Variants in UBXN4 observed in about 807,000 individuals in gnomAD.
The protein encoded by UBXN4 is UBX domain protein 4, also known as UBX domain-containing protein 4.
UBXN4 carries 35 observed loss-of-function variants against 66.2 expected under a neutral mutation model. That is an observed-to-expected ratio of 0.53 (90% CI 0.40 to 0.70). The LOEUF is 0.70. UBXN4 is among the 30% of genes least tolerant of loss of function. UBXN4 has a pLI of 0.00. For missense variants in UBXN4, 533 were observed against 599.8 expected (o/e 0.89, Z 1.16); for synonymous variants, 203 against 204.5 (o/e 0.99, Z 0.06).
rs1327825093 is a variant in UBXN4, at chr2:135,776,336, G to A, written c.1038G>A (p.Arg346=). The A allele has an allele frequency of 1.2e-6, 2 of 1,613,438 alleles. No individual in the cohort carries two copies. The highest frequency in any genetic ancestry group is 2.7e-5 in the African/African-American group (2 of 75,032). The change falls in exon 10 of 13, where the codon AGG becomes AGA. Residue 346 remains arginine, a synonymous_variant. Transcript: ENST00000272638. ...CTGATGCTCCTCTAGAAGAGGCAAG[G>A]CAGTTTGCTGCACAGGTAAATTTAT... ...FPSDAPLEEA[R]QFAAQTVGNT...
intron 2 of UBXN4, among the ~76,000 whole-genome samples, chr2:135,752,331 GCCA>G (rs1450807773): frequency 6.6e-6 from 1 of 152,022 alleles, no homozygotes; most frequent in African/African-American, 2.4e-5. Context: ...ACAGGCGTGA[GCCA>G]CCACGCCAGG....
intron 1 of UBXN4, among the ~76,000 whole-genome samples, chr2:135,745,990 G>T (rs1363016612): frequency 6.8e-6 from 1 of 147,316 alleles, no homozygotes; most frequent in Non-Finnish European, 1.5e-5. Flanking sequence ...CGATTCTCCT[G>T]CCTCAGCCTC....
chr2:135,777,978 C>T (rs1252529006), intron 10 of UBXN4, among the ~76,000 whole-genome samples: 6 of 150,700 alleles, frequency 4.0e-5, no homozygotes, highest in African/African-American at 1.5e-4. Context: ...GAGATTGAGA[C>T]CATCCTGGCT....
intron 8 of UBXN4, 77 bp downstream of exon 8, chr2:135,770,812 A>G: frequency 7.8e-7 from 1 of 1,282,226 alleles, no homozygotes; most frequent in Non-Finnish European, 1.0e-6. Flanking sequence ...CAGACTGTGC[A>G]CACAAAAATA....
chr2:135,749,902 C>T (rs939554568), intron 2 of UBXN4, among the ~76,000 whole-genome samples: 2 of 152,166 alleles, frequency 1.3e-5, no homozygotes, highest in African/African-American at 4.8e-5. Flanking sequence ...TTGTTCTATA[C>T]ATTTGTTCTG....
At position 135,748,881 on chromosome 2, in the gene UBXN4, C is replaced by G. The variant is rs373425030; in HGVS notation, c.185+512C>G. 1.5e-4 allele frequency among the ~76,000 whole-genome samples: 22 copies of G among 151,092 alleles called. 1 individual carries two copies. The highest frequency in any genetic ancestry group is 1.0e-3 in the South Asian group (5 of 4,792). ...CTTGTCTCTACTAAAAAAAAAAATA[C>G]AAAAATTAGCCGGGTGTGGTGGCAC... On this transcript the variant is annotated intron_variant, in intron 2 of 12. Coordinates refer to ENST00000272638, the MANE Select transcript of UBXN4 (RefSeq NM_014607.4).
At chr2:135,771,245 G>A (rs1174759506) in intron 8 of UBXN4, among the ~76,000 whole-genome samples, 1 of 152,172 alleles carries the variant, frequency 6.6e-6, no homozygotes, top group African/African-American at 2.4e-5. Flanking sequence ...GGGAGGCTAA[G>A]GAGGGCGGAT....
chr2:135,747,699 A>G (rs761654959), intron 1 of UBXN4: 28 of 456,052 alleles, frequency 6.1e-5, no homozygotes, highest in Admixed American at 1.2e-4. Flanking sequence ...CAGTGGTGCA[A>G]TCTCCGCTCA....
In UBXN4 at chr2:135,769,655, T is replaced by C. The variant is rs962859452; in HGVS notation, c.603-114T>C. 19 of 791,410 alleles carry C rather than the reference T, an allele frequency of 2.4e-5. No homozygotes were observed. The African/African-American group carries it at 3.2e-4, about 13-fold the overall frequency. The allele number at this position is 791,410 out of a possible 1,614,324, so 49.0% of individuals were successfully genotyped here. On this transcript the variant is annotated intron_variant, in intron 6 of 12. Coordinates refer to ENST00000272638, the MANE Select transcript of UBXN4 (RefSeq NM_014607.4). ...GGCAGATAAATAGTTGCTTGCTTTT[T>C]GTTTGTTTGTTTCTTTATTTCTCCA...
rs563469926 is a variant in UBXN4 at position 135,784,596 on chromosome 2, G to C, written c.*1709G>C. ...ATTATTTCCATAACTTAAAAAGTGA[G>C]TTTGAAAAAGAAAATCTCCAGCAAG... On this transcript the variant is annotated 3_prime_UTR_variant, in exon 13 of 13. Transcript: ENST00000272638. The C allele has an allele frequency of 6.6e-6, 1 of 152,652 alleles. No homozygotes were observed. Among genetic ancestry groups the C allele is most frequent in the East Asian group, 1.9e-4 (1 of 5,192 alleles). The allele number at this position is 152,652 out of a possible 1,614,324, so 9.5% of individuals were successfully genotyped here.
In UBXN4 at chr2:135,782,970, CTTT is replaced by C; in HGVS notation, c.*84_*86del. The C allele has an allele frequency of 6.9e-7, 1 of 1,440,928 alleles. No homozygotes were observed. Among genetic ancestry groups the C allele is most frequent in the Non-Finnish European group, 9.4e-7 (1 of 1,060,588 alleles). 89.3% of individuals were successfully genotyped at this position (1,440,928 alleles called of 1,614,324 possible). ...AAATTCTACTGGAGAAGTGGGACTG[CTTT>C]ATATTTTCCAACTGGTCTATAAAAT... On this transcript the variant is annotated 3_prime_UTR_variant, in exon 13 of 13. Transcript: ENST00000272638.
chr2:135,782,132 C>G (rs1160137603), intron 12 of UBXN4, among the ~76,000 whole-genome samples: 15 of 152,132 alleles, frequency 9.9e-5, no homozygotes, highest in Non-Finnish European at 1.5e-5. Context: ...TAGATTAGAG[C>G]AAAGGATGGA....
In UBXN4 at chr2:135,783,540, T is replaced by C. The variant is rs2077462949; in HGVS notation, c.*653T>C. On this transcript the variant is annotated 3_prime_UTR_variant, in exon 13 of 13. Coordinates refer to ENST00000272638, the MANE Select transcript of UBXN4 (RefSeq NM_014607.4). ...CCTGGAGCTGTCTCTGGAAAGTAGC[T>C]GGCGAGGTTACCTTAACTATCACTG... 1 of 152,160 alleles carries C rather than the reference T, an allele frequency of 6.6e-6. No homozygotes were observed. Among genetic ancestry groups the C allele is most frequent in the South Asian group, 2.1e-4 (1 of 4,824 alleles). The allele number at this position is 152,160 out of a possible 1,614,324, so 9.4% of individuals were successfully genotyped here.
At chr2:135,747,367 AAAAAAG>A (rs942710008) in intron 1 of UBXN4, among the ~76,000 whole-genome samples, 3 of 151,770 alleles carry the variant, frequency 2.0e-5, no homozygotes, top group African/African-American at 7.3e-5. Context: ...AAAAAAAAAA[AAAAAAG>A]ATACAGAACG....
chr2:135,749,416 A>T (rs748388252), intron 2 of UBXN4, among the ~76,000 whole-genome samples: 4 of 152,194 alleles, frequency 2.6e-5, no homozygotes, highest in Non-Finnish European at 4.4e-5. Flanking sequence ...ATCTTTTAAA[A>T]AAATTTTTGT....
chr2:135,774,141 G>A (rs1354583128), intron 9 of UBXN4, among the ~76,000 whole-genome samples: 1 of 152,354 alleles, frequency 6.6e-6, no homozygotes. Flanking sequence ...ATACAGTGAT[G>A]TAATGGTATA....
intron 9 of UBXN4, 26 bp from the exon 10 acceptor site, chr2:135,776,223 G>T: frequency 6.3e-7 from 1 of 1,578,326 alleles, no homozygotes; most frequent in Non-Finnish European, 8.7e-7. Flanking sequence ...GGTGAAGATT[G>T]TGACTTTAAT....
At position 135,780,251 on chromosome 2, in the gene UBXN4, G is replaced by A. The variant is rs758814983; in HGVS notation, c.1254G>A (p.Val418=). 1.2e-6 allele frequency: 2 copies of A among 1,614,074 alleles called. No homozygotes were observed. The highest frequency in any genetic ancestry group is 2.2e-5 in the South Asian group (2 of 91,084). ...ACATTTGGACCTTGTTGGGAACAGT[G>A]CTTTATCCATTCCTTGCCATCTGGA... ...SGDIWTLLGT[V]LYPFLAIWRL... The change falls in exon 12 of 13, where the codon GTG becomes GTA. Residue 418 remains valine (V), a synonymous_variant. Coordinates refer to ENST00000272638, the MANE Select transcript of UBXN4 (RefSeq NM_014607.4).
At chr2:135,750,419 T>C (rs549042359) in intron 2 of UBXN4, among the ~76,000 whole-genome samples, 5 of 152,084 alleles carry the variant, frequency 3.3e-5, no homozygotes, top group Non-Finnish European at 7.4e-5. Flanking sequence ...GGCAGGAGAA[T>C]GCTGTGAACC....
Sources: allele counts gnomAD v4.1 joint callset (sites outside exome capture counted in the v4.1 genomes callset), GRCh38; gene constraint gnomAD v4.1.1; transcripts MANE v1.5; gene names NCBI Gene and HGNC (gene_info 2026-07-23, HGNC 2026-07-21).